GTSE1: variants seen among roughly 807,000 people sequenced by gnomAD.
GTSE1 encodes G2 and S phase-expressed protein 1.
GTSE1 carries 52 observed loss-of-function variants against 60.5 expected under a neutral mutation model. That is an observed-to-expected ratio of 0.86 (90% CI 0.69 to 1.08). The LOEUF is 1.08. GTSE1 is among the 50% of genes least tolerant of loss of function. The pLI is 0.00. For missense variants in GTSE1, 937 were observed against 961.8 expected (o/e 0.97, Z 0.34); for synonymous variants, 368 against 386.5 (o/e 0.95, Z 0.56).
intron 5 of GTSE1, among the ~76,000 whole-genome samples, chr22:46,312,731 G>A (rs984469732): frequency 2.0e-5 from 3 of 152,082 alleles, no homozygotes; most frequent in African/African-American, 7.2e-5. Context: ...GCTTCGCAGT[G>A]TGCACTGATG....
rs978985427 is a variant in GTSE1, at chr22:46,324,127, G to C, written c.1505+865G>C. Reference sequence around the variant, plus strand: ...GCTGGGGCCACTTGCAAGTCTTTTGGTGACTCTGGGCTTTAGTTTCCTCCT... The same window carrying C: ...GCTGGGGCCACTTGCAAGTCTTTTGCTGACTCTGGGCTTTAGTTTCCTCCT... On this transcript the variant is annotated intron_variant, in intron 8 of 11. Transcript: ENST00000454366. This position sits in a 1 kb window ranked among gnomAD's most constrained non-coding sequence, Gnocchi z 5.2. Among the ~76,000 whole-genome samples, 4 of 152,144 alleles carry C rather than the reference G, an allele frequency of 2.6e-5. No homozygotes were observed. Among genetic ancestry groups the C allele is most frequent in the Non-Finnish European group, 5.9e-5 (4 of 68,020 alleles).
rs568717093 is a variant in GTSE1 at position 46,318,080 on chromosome 22, G to A, written c.1432+1668G>A. ...GATTGCAGCCACCTCAGCCTCCTGA[G>A]CTCCAGCCACTGCCTTCTCCAGTCA... On this transcript the variant is annotated intron_variant, in intron 7 of 11. Coordinates refer to ENST00000454366, the MANE Select transcript of GTSE1 (RefSeq NM_016426.7). This position sits in a 1 kb window ranked among gnomAD's most constrained non-coding sequence, Gnocchi z 4.8. Among the ~76,000 whole-genome samples, 1 of 152,368 alleles carries A rather than the reference G, an allele frequency of 6.6e-6. No individual in the cohort carries two copies. Among genetic ancestry groups the A allele is most frequent in the South Asian group, 2.1e-4 (1 of 4,828 alleles).
rs1046348560 is a variant in GTSE1, at chr22:46,320,442, C to G, written c.1433-2748C>G. 6.6e-6 allele frequency among the ~76,000 whole-genome samples: 1 copy of G among 152,156 alleles called. No individual in the cohort carries two copies. The highest frequency in any genetic ancestry group is 1.5e-5 in the Non-Finnish European group (1 of 68,036). On this transcript the variant is annotated intron_variant, in intron 7 of 11. Coordinates refer to ENST00000454366, the MANE Select transcript of GTSE1 (RefSeq NM_016426.7). This position sits in a 1 kb window ranked among gnomAD's most constrained non-coding sequence, Gnocchi z 7.1. The stretch of plus-strand genomic sequence containing the variant: ...AAGAGAGGCCCCAGGGGAGCAGCCA[C>G]GCTGTTGGGAACACACAGCTCTGGG...
rs544627606 is a variant in GTSE1 at position 46,324,667 on chromosome 22, G to A, written c.1505+1405G>A. ...CAGGTGTGAGCCACCGCGCCTGGCCGGAATTTTTATTTTCACTGGAATTTG... is the reference window on the plus strand; with the variant it reads ...CAGGTGTGAGCCACCGCGCCTGGCCAGAATTTTTATTTTCACTGGAATTTG... On this transcript the variant is annotated intron_variant, in intron 8 of 11. Transcript: ENST00000454366. This position sits in a 1 kb window ranked among gnomAD's most constrained non-coding sequence, Gnocchi z 5.2. 8.6e-5 allele frequency among the ~76,000 whole-genome samples: 13 copies of A among 152,032 alleles called. No individual in the cohort carries two copies. The highest frequency in any genetic ancestry group is 1.2e-4 in the Non-Finnish European group (8 of 67,990).
intron 2 of GTSE1, among the ~76,000 whole-genome samples, 187 bp from the exon 3 acceptor site, chr22:46,307,963 A>T (rs6008595): frequency 0.16 from 24,856 of 152,216 alleles, 2,948 homozygotes; most frequent in African/African-American, 0.33. Context: ...AATTTAAAAA[A>T]TTTTTTAAAA....
chr22:46,329,199 G>A lies in GTSE1; in HGVS notation c.1927-159G>A, dbSNP rs545844936. 5.9e-5 allele frequency: 42 copies of A among 713,568 alleles called. No homozygotes were observed. The African/African-American group carries it at 6.1e-4, about 10-fold the overall frequency. 44.2% of individuals were successfully genotyped at this position (713,568 alleles called of 1,614,324 possible). On this transcript the variant is annotated intron_variant, in intron 10 of 11. Coordinates refer to ENST00000454366, the MANE Select transcript of GTSE1 (RefSeq NM_016426.7). The surrounding 1 kb of genome is among the most constrained non-coding windows in gnomAD (Gnocchi z 6.4). ...AGGTGGGCAACAGTCAGAGAGGCAC[G>A]GCCCACCCCATACAGAGCCTCCTTC...
In GTSE1 at chr22:46,329,260, C is replaced by A; in HGVS notation, c.1927-98C>A. The A allele has an allele frequency of 9.6e-7, 1 of 1,042,056 alleles. No homozygotes were observed. The allele number at this position is 1,042,056 out of a possible 1,614,324, so 64.6% of individuals were successfully genotyped here. Reference sequence around the variant, plus strand: ...CCGCCTGATTCCTTGGCTTTCCAAACCGCCAGCCCACCTGGAACATGAGCA... The same window carrying A: ...CCGCCTGATTCCTTGGCTTTCCAAAACGCCAGCCCACCTGGAACATGAGCA... On this transcript the variant is annotated intron_variant, in intron 10 of 11. Coordinates refer to ENST00000454366, the MANE Select transcript of GTSE1 (RefSeq NM_016426.7). The surrounding 1 kb of genome is among the most constrained non-coding windows in gnomAD (Gnocchi z 6.4).
Position 46,321,812 on chromosome 22 carries a change from C to G in GTSE1, c.1433-1378C>G, listed in dbSNP as rs1036103359. Among the ~76,000 whole-genome samples the G allele has an allele frequency of 6.6e-6, 1 of 152,250 alleles. No homozygotes were observed. On this transcript the variant is annotated intron_variant, in intron 7 of 11. Coordinates refer to ENST00000454366, the MANE Select transcript of GTSE1 (RefSeq NM_016426.7). This position sits in a 1 kb window ranked among gnomAD's most constrained non-coding sequence, Gnocchi z 4.0. ...TAGGAGAGGCTGGGGCAGTGGCTCA[C>G]GCCTGTAATCCCAGCACTTTGGGAG...
chr22:46,330,735 A>C lies in GTSE1; in HGVS notation c.*605A>C, dbSNP rs979825079. On this transcript the variant is annotated 3_prime_UTR_variant, in exon 12 of 12. Coordinates refer to ENST00000454366, the MANE Select transcript of GTSE1 (RefSeq NM_016426.7). The surrounding 1 kb of genome is among the most constrained non-coding windows in gnomAD (Gnocchi z 6.0). ...GTAAAATAGCAAGTGGCTATTTTTAAAGTTAAGTTTGTATAAATAGTTAGA... is the reference window on the plus strand; with the variant it reads ...GTAAAATAGCAAGTGGCTATTTTTACAGTTAAGTTTGTATAAATAGTTAGA... The C allele has an allele frequency of 1.3e-5, 2 of 152,464 alleles. No individual in the cohort carries two copies. Among genetic ancestry groups the C allele is most frequent in the African/African-American group, 4.8e-5 (2 of 41,448 alleles). The allele number at this position is 152,464 out of a possible 1,614,324, so 9.4% of individuals were successfully genotyped here.
rs2077664198 is a variant in GTSE1, at chr22:46,297,491, C to T, written c.79+12C>T. 2.5e-6 allele frequency: 4 copies of T among 1,579,824 alleles called. No homozygotes were observed. The highest frequency in any genetic ancestry group is 1.7e-5 in the Admixed American group (1 of 59,558). On this transcript the variant is annotated intron_variant, in intron 2 of 11. Coordinates refer to ENST00000454366, the MANE Select transcript of GTSE1 (RefSeq NM_016426.7). This position sits in a 1 kb window ranked among gnomAD's most constrained non-coding sequence, Gnocchi z 4.9. Reference sequence around the variant, plus strand: ...CCCTAAGAAGGAAGGCAAGTCCTTGCTGCTGCGGCGCTGTTGTTGTTCAGG... The same window carrying T: ...CCCTAAGAAGGAAGGCAAGTCCTTGTTGCTGCGGCGCTGTTGTTGTTCAGG...
intron 7 of GTSE1, among the ~76,000 whole-genome samples, chr22:46,322,553 C>T (rs1317155928): frequency 2.6e-5 from 4 of 152,106 alleles, no homozygotes; most frequent in Admixed American, 6.5e-5. Context: ...TGTCTGGGGG[C>T]GTGGTGGCGG....
rs2077703692 is a variant in GTSE1, at chr22:46,304,074, C to G, written c.80-4076C>G. ...CCAGGATGGAGTGCAGTGGCTTGAT[C>G]ATAGCTCACTGCAGCCGCAAGCTCC... is the stretch of plus-strand genomic sequence containing the variant. On this transcript the variant is annotated intron_variant, in intron 2 of 11. Transcript: ENST00000454366. This position sits in a 1 kb window ranked among gnomAD's most constrained non-coding sequence, Gnocchi z 4.4. Among the ~76,000 whole-genome samples the G allele has an allele frequency of 6.6e-6, 1 of 152,158 alleles. No individual in the cohort carries two copies. The highest frequency in any genetic ancestry group is 2.4e-5 in the African/African-American group (1 of 41,440).
In GTSE1 at chr22:46,297,126, C is replaced by T. The variant is rs1314642651; in HGVS notation, c.-22+195C>T. Among the ~76,000 whole-genome samples, 1 of 152,214 alleles carries T rather than the reference C, an allele frequency of 6.6e-6. No individual in the cohort carries two copies. Among genetic ancestry groups the T allele is most frequent in the Non-Finnish European group, 1.5e-5 (1 of 68,034 alleles). ...AGGGCTGCCCCCCAGGCAAACAGAG[C>T]CCCCAACACTCTGGCCCAGAAGCCG... On this transcript the variant is annotated intron_variant, in intron 1 of 11. Transcript: ENST00000454366. The surrounding 1 kb of genome is among the most constrained non-coding windows in gnomAD (Gnocchi z 4.9).
In GTSE1 at chr22:46,319,993, A is replaced by AAAAAG. The variant is rs1555892246; in HGVS notation, c.1433-3194_1433-3193insAGAAA. On this transcript the variant is annotated intron_variant, in intron 7 of 11. Coordinates refer to ENST00000454366, the MANE Select transcript of GTSE1 (RefSeq NM_016426.7). The surrounding 1 kb of genome is among the most constrained non-coding windows in gnomAD (Gnocchi z 5.0). Reference sequence around the variant, plus strand: ...GAACGAGACTGTCTCAAAAAAAAAAAAAAGAAAGAAAGAAAGAAAAGAAAT... The same window carrying AAAAAG: ...GAACGAGACTGTCTCAAAAAAAAAAAAAAAGAAAGAAAGAAAGAAAGAAAAGAAAT... Among the ~76,000 whole-genome samples the AAAAAG allele has an allele frequency of 6.6e-6, 1 of 150,926 alleles. No homozygotes were observed. Among genetic ancestry groups the AAAAAG allele is most frequent in the Non-Finnish European group, 1.5e-5 (1 of 67,936 alleles).
intron 9 of GTSE1, 143 bp from the exon 10 acceptor site, chr22:46,328,545 T>TG: frequency 1.6e-6 from 1 of 619,760 alleles, no homozygotes; most frequent in Non-Finnish European, 2.9e-6. Flanking sequence ...CACAGGAAAC[T>TG]GGGGGTCTGG....
At position 46,316,075 on chromosome 22, in the gene GTSE1, G is replaced by A; in HGVS notation, c.1095G>A (p.Arg365=). 6.5e-7 allele frequency: 1 copy of A among 1,533,972 alleles called. No individual in the cohort carries two copies. Residue 365 remains arginine (R), a synonymous_variant, in exon 7 of 12, where the codon CGG becomes CGA. Coordinates refer to ENST00000454366, the MANE Select transcript of GTSE1 (RefSeq NM_016426.7). The surrounding 1 kb of genome is among the most constrained non-coding windows in gnomAD (Gnocchi z 5.0). ...CAAGTATTCCTGCAAATAGCTCCCG[G>A]CCTCTGTCAAACATCAGCAAGTCAG... is the stretch of plus-strand genomic sequence containing the variant. ...EFASIPANSS[R]PLSNISKSGR... is the part of the protein sequence containing the mutation.
intron 6 of GTSE1, among the ~76,000 whole-genome samples, chr22:46,315,274 G>A (rs1307973244): frequency 6.6e-6 from 1 of 152,138 alleles, no homozygotes; most frequent in Non-Finnish European, 1.5e-5. Context: ...GGCTAGGATG[G>A]TCTCGATCTC....
chr22:46,316,217 C>T lies in GTSE1; in HGVS notation c.1237C>T (p.Pro413Ser). Residue 413 changes from proline (P) to serine (S), a missense_variant, in exon 7 of 12, where the codon CCC (proline) becomes TCC (serine). By Grantham distance (74) the Pro-to-Ser change is moderately conservative (BLOSUM62 -1). Coordinates refer to ENST00000454366, the MANE Select transcript of GTSE1 (RefSeq NM_016426.7). This position sits in a 1 kb window ranked among gnomAD's most constrained non-coding sequence, Gnocchi z 5.0. ...GCTGGCAGCGGAGCAGCTCACGGCACCCCCCTCAGCATCCCCCACCCAACC... is the reference window on the plus strand; with the variant it reads ...GCTGGCAGCGGAGCAGCTCACGGCATCCCCCTCAGCATCCCCCACCCAACC... ...SELAAEQLTAPPSASPTQPQT... is the reference protein window; with the variant it reads ...SELAAEQLTASPSASPTQPQT... 4 of 1,613,354 alleles carry T rather than the reference C, an allele frequency of 2.5e-6. No homozygotes were observed. Among genetic ancestry groups the T allele is most frequent in the Non-Finnish European group, 2.5e-6 (3 of 1,179,706 alleles).
In GTSE1 at chr22:46,297,378, A is replaced by G; in HGVS notation, c.-21-2A>G. The stretch of plus-strand genomic sequence containing the variant: ...ACTTTCTGGCCCCGTTCCACCCTGC[A>G]GTGACTTCTGACAGCTCTCTCCATG... On this transcript the variant is annotated splice_acceptor_variant, in intron 1 of 11. Coordinates refer to ENST00000454366, the MANE Select transcript of GTSE1 (RefSeq NM_016426.7). LOFTEE classifies it low-confidence loss of function (5UTR_SPLICE). This position sits in a 1 kb window ranked among gnomAD's most constrained non-coding sequence, Gnocchi z 4.9. 1 of 1,573,296 alleles carries G rather than the reference A, an allele frequency of 6.4e-7. No homozygotes were observed.
Sources: gnomAD v4.1 joint callset for allele counts (sites outside exome capture counted in the v4.1 genomes callset) on GRCh38, gnomAD v4.1.1 for gene constraint, Gnocchi (gnomAD v3.1) non-coding constraint, MANE v1.5 for transcripts, NCBI Gene and HGNC (gene_info 2026-07-23, HGNC 2026-07-21) for gene names.